The following EPHA4 variants were observed in gnomAD, a reference collection of about 807,000 sequenced individuals.
EPHA4 encodes ephrin type-A receptor 4.
In EPHA4, 19 loss-of-function variants were observed where a neutral mutation model predicts 108.3. That is an observed-to-expected ratio of 0.18 (90% confidence interval 0.12 to 0.26). EPHA4 has a LOEUF of 0.26. Ranked by LOEUF, EPHA4 falls within the 10% of genes least tolerant of loss-of-function variation. EPHA4 has a pLI of 1.00. For synonymous variants in EPHA4, 449 were observed against 455.5 expected (o/e 0.99, Z 0.18); for missense variants, 917 against 1,254.0 (o/e 0.73, Z 4.06).
chr2:221,423,714 T>C (rs971122345), intron 17 of EPHA4, among the ~76,000 whole-genome samples: 2 of 151,904 alleles, frequency 1.3e-5, no homozygotes, highest in African/African-American at 4.8e-5. Context: ...CTGCTTTTAA[T>C]ATGTTCAGTG....
chr2:221,483,990 G>A (rs1384222735), intron 4 of EPHA4, among the ~76,000 whole-genome samples: 2 of 152,126 alleles, frequency 1.3e-5, no homozygotes, highest in African/African-American at 4.8e-5. Context: ...TCCCATTTCA[G>A]TCTTCCAAGA....
intron 17 of EPHA4, among the ~76,000 whole-genome samples, chr2:221,424,318 T>C (rs1471545072): frequency 6.6e-6 from 1 of 151,970 alleles, no homozygotes. Flanking sequence ...TTACAACTTA[T>C]GTTGCAAAAA....
chr2:221,519,452 T>C (rs569376815), intron 3 of EPHA4, among the ~76,000 whole-genome samples: 6 of 152,278 alleles, frequency 3.9e-5, no homozygotes, highest in African/African-American at 1.2e-4. Flanking sequence ...AGCAAGAATC[T>C]GAGGAAAGGA....
intron 9 of EPHA4, 64 bp downstream of exon 9, chr2:221,446,059 T>C (rs1301507543): frequency 2.0e-6 from 2 of 1,019,176 alleles, no homozygotes; most frequent in Non-Finnish European, 2.8e-6. Context: ...TATTTGAACA[T>C]GTTTAAACTA....
At chr2:221,432,269 G>A (rs960141040) in intron 14 of EPHA4, among the ~76,000 whole-genome samples, 2 of 152,026 alleles carry the variant, frequency 1.3e-5, no homozygotes, top group South Asian at 2.1e-4. Flanking sequence ...TGATTTCAAC[G>A]GAAGAAAAAG....
At chr2:221,566,906 AG>A (rs1559297190) in intron 2 of EPHA4, among the ~76,000 whole-genome samples, 5 of 43,980 alleles carry the variant, frequency 1.1e-4, no homozygotes, top group East Asian at 6.4e-4. Context: ...GAGAAGGAGA[AG>A]GAGAAGGAGA....
At chr2:221,496,502 G>A (rs1312868779) in intron 4 of EPHA4, among the ~76,000 whole-genome samples, 4 of 152,132 alleles carry the variant, frequency 2.6e-5, no homozygotes, top group Non-Finnish European at 5.9e-5. Flanking sequence ...CCTGACTTAC[G>A]ACTATATCTA....
intron 3 of EPHA4, among the ~76,000 whole-genome samples, chr2:221,515,162 C>T (rs980121702): frequency 6.6e-6 from 1 of 152,186 alleles, no homozygotes; most frequent in Non-Finnish European, 1.5e-5. Context: ...ATGGCACGAT[C>T]TTGGCTCACT....
intron 5 of EPHA4, among the ~76,000 whole-genome samples, chr2:221,472,563 A>G (rs1012822253): frequency 6.6e-6 from 1 of 152,144 alleles, no homozygotes; most frequent in African/African-American, 2.4e-5. Context: ...AAAGGTTCCT[A>G]GACAAGAATT....
Position 221,456,694 on chromosome 2 carries a change from A to T in EPHA4, c.1522T>A (p.Ser508Thr). ...TDIKGLNPLT[S>T]YVFHVRARTA... ...CTGGCTCGCACGTGGAAAACATAGG[A>T]AGTGAGAGGGTTCAGGCCTTTGATA... The change falls in exon 7 of 18, where the codon TCC becomes ACC. Residue 508 changes from serine (S) to threonine (T), a missense_variant. Coordinates refer to ENST00000281821, the MANE Select transcript of EPHA4 (RefSeq NM_004438.5). 1 of 1,613,982 alleles carries T rather than the reference A, an allele frequency of 6.2e-7. No individual in the cohort carries two copies. The highest frequency in any genetic ancestry group is 1.3e-5 in the African/African-American group (1 of 75,020).
intron 3 of EPHA4, among the ~76,000 whole-genome samples, chr2:221,508,833 C>T (rs1360669959): frequency 6.6e-6 from 1 of 152,164 alleles, no homozygotes; most frequent in Non-Finnish European, 1.5e-5. Context: ...ACTTACCAAA[C>T]TAATACTGTC....
intron 14 of EPHA4, 92 bp downstream of exon 14, chr2:221,434,050 A>G: frequency 7.3e-7 from 1 of 1,369,798 alleles, no homozygotes; most frequent in Admixed American, 2.3e-5. Flanking sequence ...TTAATGTATC[A>G]TTTCAAACCC....
chr2:221,470,224 C>T (rs1034672043), intron 5 of EPHA4, among the ~76,000 whole-genome samples: 8 of 151,814 alleles, frequency 5.3e-5, no homozygotes, highest in African/African-American at 1.9e-4. Flanking sequence ...TTTTCCAAGT[C>T]CAAGTGTTGC....
intron 5 of EPHA4, among the ~76,000 whole-genome samples, chr2:221,468,279 CA>C (rs540467941): frequency 6.0e-5 from 9 of 148,856 alleles, no homozygotes; most frequent in South Asian, 4.2e-4. Context: ...AAATAACCAA[CA>C]AAAAAAATGC....
At chr2:221,516,396 G>A (rs932467484) in intron 3 of EPHA4, among the ~76,000 whole-genome samples, 7 of 131,420 alleles carry the variant, frequency 5.3e-5, no homozygotes, top group African/African-American at 1.8e-4. Context: ...GCTCTGTCCT[G>A]TAGGCTGGAG....
rs571316094 is a variant in EPHA4, at chr2:221,540,453, G to A, written c.823+23278C>T. On this transcript the variant is annotated intron_variant, in intron 3 of 17. Transcript: ENST00000281821. ...CAATACAACTTAAATGATCAAATAC[G>A]CCAGTTTTGATCAACTCATTTTTTC... Among the ~76,000 whole-genome samples, 14 of 152,164 alleles carry A rather than the reference G, an allele frequency of 9.2e-5. No homozygotes were observed. The East Asian group carries it at 1.9e-3, about 21-fold the overall frequency.
At chr2:221,507,645 G>C (rs1692671385) in intron 3 of EPHA4, among the ~76,000 whole-genome samples, 2 of 151,956 alleles carry the variant, frequency 1.3e-5, no homozygotes, top group Admixed American at 1.3e-4. Flanking sequence ...CTGATGTAGA[G>C]AAATAATGCC....
chr2:221,547,072 G>A (rs1359864402), intron 3 of EPHA4, among the ~76,000 whole-genome samples: 2 of 152,198 alleles, frequency 1.3e-5, no homozygotes, highest in African/African-American at 4.8e-5. Flanking sequence ...AGGTGAGAAA[G>A]TACTTGTGGA....
chr2:221,494,201 G>T (rs952863401), intron 4 of EPHA4, among the ~76,000 whole-genome samples: 2 of 152,160 alleles, frequency 1.3e-5, no homozygotes, highest in African/African-American at 4.8e-5. Context: ...AAGTCAAGGT[G>T]GCAAAATGAC....
Sources: allele counts gnomAD v4.1 joint callset (sites outside exome capture counted in the v4.1 genomes callset), GRCh38; gene constraint gnomAD v4.1.1; transcripts MANE v1.5; gene names NCBI Gene and HGNC (gene_info 2026-07-23, HGNC 2026-07-21).